KCTD8: variants seen among roughly 807,000 people sequenced by gnomAD.
The protein encoded by KCTD8 is potassium channel tetramerization domain containing 8.
A neutral mutation model predicts 31.5 loss-of-function variants in KCTD8; 27 were observed. That is an observed-to-expected ratio of 0.86 (90% CI 0.63 to 1.18). The LOEUF is 1.18. Among genes scored for constraint, KCTD8 ranks in the 50% most tolerant of loss-of-function variants. The pLI is 0.00. For synonymous variants in KCTD8, 290 were observed against 280.0 expected (o/e 1.04, Z -0.36); for missense variants, 658 against 647.7 (o/e 1.02, Z -0.17).
intron 1 of KCTD8, among the ~76,000 whole-genome samples, chr4:44,288,062 T>C (rs1405332911): frequency 6.6e-6 from 1 of 152,188 alleles, no homozygotes; most frequent in African/African-American, 2.4e-5. Context: ...ATTAAATATA[T>C]GTCAAATTTT....
intron 1 of KCTD8, among the ~76,000 whole-genome samples, chr4:44,310,319 C>T (rs1295550088): frequency 1.3e-5 from 2 of 151,936 alleles, no homozygotes; most frequent in Non-Finnish European, 2.9e-5. Flanking sequence ...AATTTCTAGG[C>T]CAAGAAACAC....
chr4:44,387,237 T>TA (rs1031080553), intron 1 of KCTD8, among the ~76,000 whole-genome samples: 1 of 150,886 alleles, frequency 6.6e-6, no homozygotes, highest in South Asian at 2.1e-4. Context: ...CACAAACAAA[T>TA]AAAAAAAATT....
intron 1 of KCTD8, among the ~76,000 whole-genome samples, chr4:44,257,880 C>T (rs1716034223): frequency 1.3e-5 from 2 of 151,956 alleles, no homozygotes; most frequent in Non-Finnish European, 2.9e-5. Context: ...CTTGAATTCC[C>T]ATTTTATTAA....
intron 1 of KCTD8, among the ~76,000 whole-genome samples, chr4:44,311,150 C>A (rs1479846007): frequency 6.6e-6 from 1 of 152,062 alleles, no homozygotes; most frequent in Non-Finnish European, 1.5e-5. Context: ...ATCCAAAACA[C>A]AAACAGCTTT....
At chr4:44,428,424 C>A (rs1050398070) in intron 1 of KCTD8, among the ~76,000 whole-genome samples, 1 of 151,574 alleles carries the variant, frequency 6.6e-6, no homozygotes, top group Non-Finnish European at 1.5e-5. Flanking sequence ...TGCCTCCAGT[C>A]AATTAATAAT....
intron 1 of KCTD8, among the ~76,000 whole-genome samples, chr4:44,274,101 T>G (rs1164829188): frequency 6.6e-6 from 1 of 151,902 alleles, no homozygotes; most frequent in Non-Finnish European, 1.5e-5. Context: ...AATTGAACAT[T>G]TGGCCAAATT....
chr4:44,340,465 ATTT>A (rs781054339), intron 1 of KCTD8, among the ~76,000 whole-genome samples: 1 of 137,634 alleles, frequency 7.3e-6, no homozygotes. Context: ...TGCCTGGCTA[ATTT>A]TTTTTTTTTT....
At chr4:44,198,486 A>C (rs1288188368) in intron 1 of KCTD8, among the ~76,000 whole-genome samples, 1 of 152,184 alleles carries the variant, frequency 6.6e-6, no homozygotes, top group Non-Finnish European at 1.5e-5. Context: ...AAGTCAGAAG[A>C]AATTGGGGGC....
intron 1 of KCTD8, among the ~76,000 whole-genome samples, chr4:44,414,799 G>A (rs116670595): frequency 6.6e-6 from 1 of 152,246 alleles, no homozygotes; most frequent in Admixed American, 6.5e-5. Context: ...CAGACATAAG[G>A]ATCACTCATA....
At chr4:44,186,649 C>G (rs28555493) in intron 1 of KCTD8, among the ~76,000 whole-genome samples, 65,961 of 151,988 alleles carry the variant, frequency 0.43, 14,752 homozygotes, top group East Asian at 0.54. Flanking sequence ...CCGTCTGCGT[C>G]CTCCCCCTAG....
At chr4:44,422,318 G>A (rs947087132) in intron 1 of KCTD8, among the ~76,000 whole-genome samples, 1 of 152,120 alleles carries the variant, frequency 6.6e-6, no homozygotes, top group Non-Finnish European at 1.5e-5. Flanking sequence ...TTGTTGGAGT[G>A]TGTACCTTTG....
At chr4:44,353,293 A>C (rs1222191480) in intron 1 of KCTD8, among the ~76,000 whole-genome samples, 1 of 152,078 alleles carries the variant, frequency 6.6e-6, no homozygotes. Flanking sequence ...CAGTTCATTT[A>C]TCCTGCTGTT....
chr4:44,182,265 G>C (rs555712214), intron 1 of KCTD8, among the ~76,000 whole-genome samples: 1 of 152,220 alleles, frequency 6.6e-6, no homozygotes, highest in Non-Finnish European at 1.5e-5. Flanking sequence ...CCCTCTGCCC[G>C]GCCACCACCC....
At chr4:44,213,888 G>T (rs1184565260) in intron 1 of KCTD8, among the ~76,000 whole-genome samples, 1 of 152,096 alleles carries the variant, frequency 6.6e-6, no homozygotes, top group Non-Finnish European at 1.5e-5. Context: ...CACAGGAGTA[G>T]CTCTGAAAAA....
At chr4:44,265,804 T>C (rs948652436) in intron 1 of KCTD8, among the ~76,000 whole-genome samples, 2 of 151,790 alleles carry the variant, frequency 1.3e-5, no homozygotes, top group Non-Finnish European at 2.9e-5. Context: ...CCATGGAAGA[T>C]GAAATGAATG....
At chr4:44,287,079 C>A (rs1577594415) in intron 1 of KCTD8, among the ~76,000 whole-genome samples, 2 of 152,152 alleles carry the variant, frequency 1.3e-5, no homozygotes, top group Admixed American at 6.6e-5. Context: ...ATTTAAACAT[C>A]CTATAGATAT....
chr4:44,210,160 C>A (rs987916982), intron 1 of KCTD8, among the ~76,000 whole-genome samples: 1 of 152,280 alleles, frequency 6.6e-6, no homozygotes, highest in African/African-American at 2.4e-5. Context: ...ACCTTCTCAA[C>A]ATAATTTTTT....
chr4:44,183,350 T>A (rs1309984946), intron 1 of KCTD8, among the ~76,000 whole-genome samples: 1 of 152,134 alleles, frequency 6.6e-6, no homozygotes, highest in East Asian at 1.9e-4. Flanking sequence ...ATTTTTATGT[T>A]CAAAAGGGTA....
intron 1 of KCTD8, among the ~76,000 whole-genome samples, chr4:44,410,920 C>G (rs4695718): frequency 1.3e-5 from 2 of 151,952 alleles, no homozygotes; most frequent in Non-Finnish European, 2.9e-5. Flanking sequence ...TTTCCCAAGA[C>G]AGTTCTGTAA....
Sources: allele counts gnomAD v4.1 joint callset (sites outside exome capture counted in the v4.1 genomes callset), GRCh38; gene constraint gnomAD v4.1.1; transcripts MANE v1.5; gene names NCBI Gene and HGNC (gene_info 2026-07-23, HGNC 2026-07-21).